Variants in MBNL2 observed in about 807,000 individuals in gnomAD.
The protein encoded by MBNL2 is muscleblind like splicing regulator 2.
A neutral mutation model predicts 41.9 loss-of-function variants in MBNL2; 17 were observed. That is an observed-to-expected ratio of 0.41 (90% CI 0.28 to 0.61). The LOEUF (loss-of-function observed/expected upper bound fraction) is 0.61, where lower values mean the gene tolerates loss of function less well. Ranked by LOEUF, MBNL2 falls within the 20% of genes least tolerant of loss-of-function variation. The pLI is 0.35. For synonymous variants in MBNL2, 195 were observed against 182.9 expected, an observed-to-expected ratio of 1.07 and a Z score of -0.53; for missense variants, 336 against 505.6, an observed-to-expected ratio of 0.66 and a Z score of 3.22.
At chr13:97,273,096 T>C (rs145608902) in intron 1 of MBNL2, among the ~76,000 whole-genome samples, 8 of 152,348 alleles carry the variant, frequency 5.3e-5, no homozygotes, top group Non-Finnish European at 8.8e-5. Flanking sequence ...ACAGTACCTA[T>C]GTTTACCTCT....
chr13:97,254,185 C>T (rs781590718), intron 1 of MBNL2, among the ~76,000 whole-genome samples: 1 of 152,150 alleles, frequency 6.6e-6, no homozygotes, highest in Non-Finnish European at 1.5e-5. Flanking sequence ...CCATGCCCAG[C>T]CCAATGCAAA....
At chr13:97,220,610 T>C (rs2040772526), upstream of MBNL2, among the ~76,000 whole-genome samples, 1 of 152,216 alleles carries the variant, frequency 6.6e-6, no homozygotes, top group African/African-American at 2.4e-5. Flanking sequence ...TGACTTTACA[T>C]GATTTTAAAA....
chr13:97,167,207 C>T, the MBNL2 span, among the ~76,000 whole-genome samples: 3 of 152,172 alleles, frequency 2.0e-5, no homozygotes, highest in South Asian at 6.2e-4. Flanking sequence ...TCCCAGGAAT[C>T]GAGGCCAAAA....
At chr13:97,305,828 C>T (rs771799156) in intron 2 of MBNL2, among the ~76,000 whole-genome samples, 2 of 152,112 alleles carry the variant, frequency 1.3e-5, no homozygotes, top group Non-Finnish European at 2.9e-5. Flanking sequence ...GTCAGAGTCT[C>T]ATGATGAGTT....
At chr13:97,288,784 G>C (rs1329727871) in intron 2 of MBNL2, among the ~76,000 whole-genome samples, 1 of 152,150 alleles carries the variant, frequency 6.6e-6, no homozygotes, top group East Asian at 1.9e-4. Context: ...GAATAAAACT[G>C]ATACTCCTAG....
At chr13:97,301,094 T>C (rs763653679) in intron 2 of MBNL2, among the ~76,000 whole-genome samples, 1 of 152,174 alleles carries the variant, frequency 6.6e-6, no homozygotes, top group Non-Finnish European at 1.5e-5. Flanking sequence ...GAATGGGAGA[T>C]GATAACTGGA....
chr13:97,150,199 T>C, the MBNL2 span, among the ~76,000 whole-genome samples: 12 of 152,228 alleles, frequency 7.9e-5, no homozygotes, highest in East Asian at 2.3e-3. Flanking sequence ...GCCCACCATA[T>C]GTTTACGTTA....
rs2061904348 is a variant in MBNL2, at chr13:97,346,718, C to T, written c.541-86C>T. 8.8e-7 allele frequency: 1 copy of T among 1,131,154 alleles called. No individual in the cohort carries two copies. Among genetic ancestry groups the T allele is most frequent in the Non-Finnish European group, 1.3e-6 (1 of 782,866 alleles). The allele number at this position is 1,131,154 out of a possible 1,614,324, so 70.1% of individuals were successfully genotyped here. ...GAGCCACCATTGAAAGCGAGGCAGCCTCCGCTCCTCCCGCGGTGGCCGGGG... is the reference window on the plus strand; with the variant it reads ...GAGCCACCATTGAAAGCGAGGCAGCTTCCGCTCCTCCCGCGGTGGCCGGGG... On this transcript the variant is annotated intron_variant, in intron 4 of 8. Transcript: ENST00000679496. This position sits in a 1 kb window ranked among gnomAD's most constrained non-coding sequence, Gnocchi z 4.2.
chr13:97,238,619 A>C (rs888325161), intron 1 of MBNL2, among the ~76,000 whole-genome samples: 1 of 152,176 alleles, frequency 6.6e-6, no homozygotes, highest in Non-Finnish European at 1.5e-5. Flanking sequence ...CCTTTTTGGA[A>C]GAGTGCTGCG....
At chr13:97,390,283 A>G (rs1341586708) in intron 8 of MBNL2, among the ~76,000 whole-genome samples, 2 of 152,040 alleles carry the variant, frequency 1.3e-5, no homozygotes, top group Non-Finnish European at 2.9e-5. Context: ...CACTCACTTA[A>G]AGGGAAAAAA....
chr13:97,320,679 C>A (rs2059426264), intron 2 of MBNL2, among the ~76,000 whole-genome samples: 1 of 151,882 alleles, frequency 6.6e-6, no homozygotes, highest in African/African-American at 2.4e-5. Flanking sequence ...TTTGGGAGGC[C>A]GAGGTGGGTG....
chr13:97,269,111 G>A (rs923287382), intron 1 of MBNL2, among the ~76,000 whole-genome samples: 68 of 152,288 alleles, frequency 4.5e-4, no homozygotes, highest in Admixed American at 4.2e-3. Flanking sequence ...AGAAATAATC[G>A]GGGGCAACTA....
At chr13:97,295,159 C>T (rs1216261345) in intron 2 of MBNL2, among the ~76,000 whole-genome samples, 1 of 152,184 alleles carries the variant, frequency 6.6e-6, no homozygotes, top group South Asian at 2.1e-4. Context: ...AAGTAACTTG[C>T]TCTGTGTAAA....
chr13:97,327,584 G>A (rs1874480), intron 2 of MBNL2, among the ~76,000 whole-genome samples: 83 of 101,682 alleles, frequency 8.2e-4, no homozygotes, highest in South Asian at 1.5e-3. Context: ...AAAAAAAAAA[G>A]TTCATATAAC....
At chr13:97,144,593 CT>C in the MBNL2 span, among the ~76,000 whole-genome samples, 1 of 152,016 alleles carries the variant, frequency 6.6e-6, no homozygotes, top group African/African-American at 2.4e-5. Context: ...CCACGCCTGG[CT>C]AATTTTGCAT....
At chr13:97,176,653 T>C in the MBNL2 span, among the ~76,000 whole-genome samples, 6 of 152,328 alleles carry the variant, frequency 3.9e-5, no homozygotes, top group African/African-American at 7.2e-5. Flanking sequence ...AATTTGTAGA[T>C]ACTTTGAGGG....
chr13:97,167,921 CAAGAA>C, the MBNL2 span, among the ~76,000 whole-genome samples: 7 of 151,584 alleles, frequency 4.6e-5, no homozygotes, highest in Non-Finnish European at 1.0e-4. Context: ...CACTTGGTAA[CAAGAA>C]AAGAAAAAAG....
At chr13:97,163,681 G>A in the MBNL2 span, among the ~76,000 whole-genome samples, 160 of 152,228 alleles carry the variant, frequency 1.1e-3, 1 homozygote, top group African/African-American at 3.4e-3. Flanking sequence ...TCTTCCTCTC[G>A]CTCACACGGC....
intron 8 of MBNL2, among the ~76,000 whole-genome samples, chr13:97,386,455 G>A (rs926280308): frequency 1.3e-5 from 2 of 152,216 alleles, no homozygotes; most frequent in African/African-American, 4.8e-5. Flanking sequence ...CTTGGCTGGG[G>A]CTGAGTGGCT....
Sources: gnomAD v4.1 joint callset for allele counts (sites outside exome capture counted in the v4.1 genomes callset) on GRCh38, gnomAD v4.1.1 for gene constraint, Gnocchi (gnomAD v3.1) non-coding constraint, MANE v1.5 for transcripts, NCBI Gene and HGNC (gene_info 2026-07-23, HGNC 2026-07-21) for gene names.